Variants in SLC24A2 observed in about 807,000 individuals in gnomAD.
The protein encoded by SLC24A2 is sodium/potassium/calcium exchanger 2.
Under a neutral mutation model 62.0 loss-of-function variants are expected in SLC24A2, and 36 were observed. The ratio of observed to expected loss-of-function variants is 0.58; its 90% CI spans 0.44 to 0.77. The LOEUF is 0.77. Among genes scored for constraint, SLC24A2 ranks in the 30% least tolerant of loss-of-function variants. The pLI, the probability that SLC24A2 is intolerant of heterozygous loss-of-function variation, is 0.00. For synonymous variants in SLC24A2, 358 were observed against 294.0 expected (o/e 1.22, Z -2.23); for missense variants, 846 against 817.9 (o/e 1.03, Z -0.42).
chr9:19,757,600 A>G (rs186367741), intron 2 of SLC24A2, among the ~76,000 whole-genome samples: 87 of 152,348 alleles, frequency 5.7e-4, no homozygotes, highest in African/African-American at 2.1e-3. Context: ...AAACATCTAA[A>G]ATACCCCAAT....
At chr9:19,563,818 C>CT in intron 7 of SLC24A2, among the ~76,000 whole-genome samples, 1 of 95,100 alleles carries the variant, frequency 1.1e-5, no homozygotes, top group Non-Finnish European at 1.9e-5. Flanking sequence ...TCCTTCCTTC[C>CT]TTCCTTCCTC....
At chr9:19,999,251 C>T in the SLC24A2 span, among the ~76,000 whole-genome samples, 1 of 152,236 alleles carries the variant, frequency 6.6e-6, no homozygotes, top group Non-Finnish European at 1.5e-5. Flanking sequence ...CATTTATTAT[C>T]CATGTTCATT....
chr9:20,047,139 T>C, the SLC24A2 span, among the ~76,000 whole-genome samples: 1 of 152,050 alleles, frequency 6.6e-6, no homozygotes, highest in Non-Finnish European at 1.5e-5. Flanking sequence ...TTACAACAGG[T>C]TAGTTACAAC....
At chr9:20,015,383 G>C in the SLC24A2 span, among the ~76,000 whole-genome samples, 1 of 152,194 alleles carries the variant, frequency 6.6e-6, no homozygotes, top group East Asian at 1.9e-4. Flanking sequence ...TGACCCAGGA[G>C]TTAATTGAAG....
chr9:20,229,602 T>A, the SLC24A2 span, among the ~76,000 whole-genome samples: 1 of 152,134 alleles, frequency 6.6e-6, no homozygotes, highest in African/African-American at 2.4e-5. Context: ...ATTTGTCAAC[T>A]TTTCCTTTGA....
chr9:19,868,294 C>T, the SLC24A2 span, among the ~76,000 whole-genome samples: 3 of 151,784 alleles, frequency 2.0e-5, no homozygotes, highest in Non-Finnish European at 2.9e-5. Context: ...TTCAAATATT[C>T]TATTGTGAAT....
chr9:20,193,321 A>C, the SLC24A2 span, among the ~76,000 whole-genome samples: 2 of 152,216 alleles, frequency 1.3e-5, no homozygotes, highest in South Asian at 4.2e-4. Flanking sequence ...CAGTGAACAG[A>C]CTTCTGCTTT....
intron 4 of SLC24A2, among the ~76,000 whole-genome samples, chr9:19,605,696 A>T (rs1251293967): frequency 1.3e-5 from 2 of 152,234 alleles, no homozygotes; most frequent in Admixed American, 1.3e-4. Context: ...CGAACAACTG[A>T]CAGCAACTTA....
At chr9:19,737,592 G>T (rs1265411535) in intron 2 of SLC24A2, among the ~76,000 whole-genome samples, 1 of 151,924 alleles carries the variant, frequency 6.6e-6, no homozygotes, top group African/African-American at 2.4e-5. Context: ...AAATGCAATT[G>T]CATTCAAGGT....
chr9:19,522,558 A>G (rs938002993), intron 9 of SLC24A2, among the ~76,000 whole-genome samples: 5 of 152,160 alleles, frequency 3.3e-5, no homozygotes, highest in African/African-American at 9.7e-5. Flanking sequence ...TTAAAAGCAT[A>G]TTTTTGTTTT....
chr9:19,645,050 A>G (rs1173129693), intron 2 of SLC24A2, among the ~76,000 whole-genome samples: 1 of 152,168 alleles, frequency 6.6e-6, no homozygotes, highest in African/African-American at 2.4e-5. Flanking sequence ...TGTTCTTTCT[A>G]TTTTGTATAG....
At chr9:19,957,033 C>T in the SLC24A2 span, among the ~76,000 whole-genome samples, 10 of 152,152 alleles carry the variant, frequency 6.6e-5, no homozygotes, top group Admixed American at 2.6e-4. Context: ...ATCCAGTCTA[C>T]GGTATTTTGT....
chr9:20,062,456 G>C, the SLC24A2 span, among the ~76,000 whole-genome samples: 1 of 112,340 alleles, frequency 8.9e-6, no homozygotes, highest in African/African-American at 4.0e-5. Context: ...AGCTGAAACT[G>C]GATTCCTTCC....
At chr9:20,153,874 T>C in the SLC24A2 span, among the ~76,000 whole-genome samples, 1 of 151,982 alleles carries the variant, frequency 6.6e-6, no homozygotes, top group Non-Finnish European at 1.5e-5. Flanking sequence ...TATAAGCATG[T>C]GTTGCTTTTA....
the SLC24A2 span, among the ~76,000 whole-genome samples, chr9:20,154,661 A>T: frequency 6.6e-6 from 1 of 151,730 alleles, no homozygotes; most frequent in Non-Finnish European, 1.5e-5. Flanking sequence ...AAAAAAAAAA[A>T]AAATTGGATA....
chr9:20,204,972 C>T, the SLC24A2 span, among the ~76,000 whole-genome samples: 1 of 152,028 alleles, frequency 6.6e-6, no homozygotes, highest in Non-Finnish European at 1.5e-5. Context: ...GTCTCGACCT[C>T]TTAACCTCAT....
the SLC24A2 span, among the ~76,000 whole-genome samples, chr9:20,109,580 C>T: frequency 6.6e-6 from 1 of 152,160 alleles, no homozygotes; most frequent in African/African-American, 2.4e-5. Context: ...GATGACAGTT[C>T]ACATGTGTCA....
the SLC24A2 span, among the ~76,000 whole-genome samples, chr9:19,892,679 A>G: frequency 6.6e-6 from 1 of 152,140 alleles, no homozygotes. Context: ...TTATCCACTT[A>G]ATTCACTGGA....
the SLC24A2 span, among the ~76,000 whole-genome samples, chr9:19,985,953 T>C: frequency 6.6e-6 from 1 of 152,134 alleles, no homozygotes; most frequent in East Asian, 1.9e-4. Context: ...AAAACTTTTT[T>C]GCATCAAATG....
Sources: allele counts gnomAD v4.1 joint callset (sites outside exome capture counted in the v4.1 genomes callset), GRCh38; gene constraint gnomAD v4.1.1; transcripts MANE v1.5; gene names NCBI Gene and HGNC (gene_info 2026-07-23, HGNC 2026-07-21).